The following SEH1L variants were observed in gnomAD, a reference collection of about 807,000 sequenced individuals.
The protein encoded by SEH1L is SEH1 like nucleoporin, also known as nucleoporin SEH1.
Under a neutral mutation model 49.5 loss-of-function variants are expected in SEH1L, and 18 were observed. The observed-to-expected ratio is 0.36, with a 90% CI of 0.25 to 0.54. The LOEUF (loss-of-function observed/expected upper bound fraction) is 0.54, where lower values mean the gene tolerates loss of function less well. Ranked by LOEUF, SEH1L falls within the 20% of genes least tolerant of loss-of-function variation. The pLI, the probability that SEH1L is intolerant of heterozygous loss-of-function variation, is 0.87. For missense variants in SEH1L, 404 were observed against 528.8 expected, an observed-to-expected ratio of 0.76 and a Z score of 2.31; for synonymous variants, 169 against 178.1, an observed-to-expected ratio of 0.95 and a Z score of 0.41.
intron 1 of SEH1L, chr18:12,948,644 T>TCTCACCG (rs1397667348): frequency 1.2e-4 from 19 of 164,528 alleles, no homozygotes; most frequent in African/African-American, 4.5e-4. Context: ...CGTCGAGTTC[T>TCTCACCG]GTGCCCCGCC....
chr18:12,980,883 A>C (rs1598979480), intron 6 of SEH1L, among the ~76,000 whole-genome samples: 4 of 116,310 alleles, frequency 3.4e-5, no homozygotes, highest in Admixed American at 1.7e-4. Flanking sequence ...GACCCCCCCC[A>C]CCTCCCTTCC....
chr18:12,963,723 G>C (rs1482872903), intron 4 of SEH1L, among the ~76,000 whole-genome samples: 1 of 152,188 alleles, frequency 6.6e-6, no homozygotes, highest in Non-Finnish European at 1.5e-5. Flanking sequence ...TTGATTGATT[G>C]GTTGATTGAG....
chr18:12,967,225 C>T (rs68004799), intron 4 of SEH1L, among the ~76,000 whole-genome samples: 38,701 of 152,214 alleles, frequency 0.25, 5,927 homozygotes, highest in Admixed American at 0.36. Context: ...ACATTTTTGT[C>T]AACTGATCAG....
At chr18:12,954,747 C>T (rs1015720280) in intron 2 of SEH1L, among the ~76,000 whole-genome samples, 2 of 152,102 alleles carry the variant, frequency 1.3e-5, no homozygotes, top group African/African-American at 2.4e-5. Context: ...AGAAGACAGG[C>T]GTGAGCCACT....
chr18:12,951,592 C>T (rs1321660572), intron 1 of SEH1L, among the ~76,000 whole-genome samples: 3 of 152,160 alleles, frequency 2.0e-5, no homozygotes, highest in East Asian at 1.9e-4. Context: ...GGTTTCACCA[C>T]GTTGTCTAGG....
At chr18:12,949,442 GTTTTTTTTTT>G (rs71174155) in intron 1 of SEH1L, among the ~76,000 whole-genome samples, 8 of 51,808 alleles carry the variant, frequency 1.5e-4, no homozygotes, top group East Asian at 5.7e-4. Context: ...TACGTTAACC[GTTTTTTTTTT>G]TTTTTTTTTT....
At chr18:12,966,531 C>T (rs563354143) in intron 4 of SEH1L, among the ~76,000 whole-genome samples, 6 of 152,342 alleles carry the variant, frequency 3.9e-5, no homozygotes, top group South Asian at 4.1e-4. Flanking sequence ...TCCCAAGTAA[C>T]TGGGACTACA....
At chr18:12,953,981 C>G (rs1429704387) in intron 2 of SEH1L, among the ~76,000 whole-genome samples, 2 of 151,870 alleles carry the variant, frequency 1.3e-5, no homozygotes, top group Non-Finnish European at 2.9e-5. Context: ...TACTGTAAAT[C>G]TAATAAAACT....
At chr18:12,958,030 T>C (rs1392697954) in intron 3 of SEH1L, among the ~76,000 whole-genome samples, 1 of 148,300 alleles carries the variant, frequency 6.7e-6, no homozygotes, top group Non-Finnish European at 1.5e-5. Flanking sequence ...TTTATTGTGG[T>C]AAAATATGTA....
In SEH1L at chr18:12,953,742, T is replaced by C. The variant is rs191319341; in HGVS notation, c.163-1721T>C. 8.4e-4 allele frequency among the ~76,000 whole-genome samples: 128 copies of C among 152,388 alleles called. 2 individuals are homozygous for C. The highest frequency in any genetic ancestry group is 1.9e-4 in the Non-Finnish European group (13 of 68,040). On this transcript the variant is annotated intron_variant, in intron 2 of 8. Transcript: ENST00000399892. ...ATTGGCATTTACTTCATTTACAGTG[T>C]TGTGTAACTACCACCTTTTTCTAGT...
Position 12,981,189 on chromosome 18 carries a change from G to A in SEH1L, c.762-1329G>A, listed in dbSNP as rs371910475. ...CTCCTCACTTCCTAGATGGGATGGC[G>A]GCCGGGCAGAGACGCTCCTCACTTT... On this transcript the variant is annotated intron_variant, in intron 6 of 8. Coordinates refer to ENST00000399892, the MANE Select transcript of SEH1L (RefSeq NM_001013437.2). Among the ~76,000 whole-genome samples, 22 of 151,698 alleles carry A rather than the reference G, an allele frequency of 1.5e-4. No homozygotes were observed. The East Asian group carries it at 2.0e-3, about 13-fold the overall frequency.
At chr18:12,980,826 C>CA (rs1231930178) in intron 6 of SEH1L, among the ~76,000 whole-genome samples, 2 of 104,454 alleles carry the variant, frequency 1.9e-5, no homozygotes, top group Non-Finnish European at 4.1e-5. Flanking sequence ...GGGGGGCTGA[C>CA]CCCCCCACTT....
intron 6 of SEH1L, among the ~76,000 whole-genome samples, chr18:12,980,933 T>A (rs1276514004): frequency 1.4e-5 from 2 of 143,094 alleles, no homozygotes; most frequent in Non-Finnish European, 3.0e-5. Context: ...GACCCCCACC[T>A]CCCTCCCGGA....
At chr18:12,967,471 A>G (rs2031500895) in intron 4 of SEH1L, among the ~76,000 whole-genome samples, 1 of 152,252 alleles carries the variant, frequency 6.6e-6, no homozygotes, top group Non-Finnish European at 1.5e-5. Flanking sequence ...AAACACAAAA[A>G]TGTGAAAAAC....
rs1328133992 is a variant in SEH1L, at chr18:12,986,938, C to T, written c.1147C>T (p.Pro383Ser). 6.2e-7 allele frequency: 1 copy of T among 1,613,802 alleles called. No individual in the cohort carries two copies. The highest frequency in any genetic ancestry group is 1.3e-5 in the African/African-American group (1 of 74,878). Residue 383 changes from proline to serine, a missense_variant, in exon 9 of 9, where the codon CCT becomes TCT. By Grantham distance (74) the Pro-to-Ser change is moderately conservative (BLOSUM62 -1). Coordinates refer to ENST00000399892, the MANE Select transcript of SEH1L (RefSeq NM_001013437.2). ...TTATGCCCAGCTCCTTCCTCCTCCTCCTCCTCCTCTGGTAGAGCACTCTTG... is the reference window on the plus strand; with the variant it reads ...TTATGCCCAGCTCCTTCCTCCTCCTTCTCCTCCTCTGGTAGAGCACTCTTG... ...SSYAQLLPPP[P>S]PPLVEHSCDA...
intron 4 of SEH1L, among the ~76,000 whole-genome samples, chr18:12,966,188 G>T (rs1205923056): frequency 6.6e-6 from 1 of 150,568 alleles, no homozygotes; most frequent in Non-Finnish European, 1.5e-5. Context: ...CGCCTCCTGG[G>T]TTTAAGAGAT....
chr18:12,982,793 A>G (rs1271138149), intron 7 of SEH1L, 118 bp downstream of exon 7: 2 of 597,332 alleles, frequency 3.3e-6, no homozygotes, highest in Non-Finnish European at 5.1e-6. Flanking sequence ...TTTTAATGTC[A>G]TATTAATTTA....
intron 4 of SEH1L, among the ~76,000 whole-genome samples, chr18:12,967,704 A>C (rs1247700707): frequency 6.6e-6 from 1 of 152,186 alleles, no homozygotes; most frequent in African/African-American, 2.4e-5. Flanking sequence ...ACTTGAAGTC[A>C]GGAGTTTGAG....
rs1206922399 is a variant in SEH1L at position 12,980,556 on chromosome 18, CGGGCGGGGGGCT to C, written c.761+1666_761+1677del. 2.1e-4 allele frequency among the ~76,000 whole-genome samples: 21 copies of C among 101,674 alleles called. No homozygotes were observed. In the East Asian group the frequency reaches 3.6e-3, roughly 17 times the overall value. 66.7% of individuals were successfully genotyped at this position (101,674 alleles called of 152,430 possible). ...CTCCCTCCCGGACGGGGCGGCTGGC[CGGGCGGGGGGCT>C]GACCCCCCCACCTCCCTCCCGGACG... On this transcript the variant is annotated intron_variant, in intron 6 of 8. Coordinates refer to ENST00000399892, the MANE Select transcript of SEH1L (RefSeq NM_001013437.2).
Sources: gnomAD v4.1 joint callset for allele counts (sites outside exome capture counted in the v4.1 genomes callset) on GRCh38, gnomAD v4.1.1 for gene constraint, MANE v1.5 for transcripts, NCBI Gene and HGNC (gene_info 2026-07-23, HGNC 2026-07-21) for gene names.